LINGO1: variants seen among roughly 807,000 people sequenced by gnomAD.
LINGO1 encodes the protein leucine-rich repeat and immunoglobulin-like domain-containing nogo receptor-interacting protein 1.
In LINGO1, 11 loss-of-function variants were observed where a neutral mutation model predicts 37.3. The ratio of observed to expected loss-of-function variants is 0.29; its 90% CI spans 0.19 to 0.49. LINGO1 has a LOEUF of 0.49. Among genes scored for constraint, LINGO1 ranks in the 20% least tolerant of loss-of-function variants. LINGO1 has a pLI of 0.99. For missense variants in LINGO1, 585 were observed against 878.2 expected, an observed-to-expected ratio of 0.67 and a Z score of 4.22; for synonymous variants, 387 against 403.0, an observed-to-expected ratio of 0.96 and a Z score of 0.48.
At chr15:77,667,086 G>C (rs2075146030) in intron 3 of LINGO1, 1 of 152,444 alleles carries the variant, frequency 6.6e-6, no homozygotes. Context: ...GAAGTGGATG[G>C]GTAAGGAGGG....
chr15:77,791,297 G>A (rs138786117), upstream of LINGO1, among the ~76,000 whole-genome samples: 149 of 152,280 alleles, frequency 9.8e-4, 1 homozygote, highest in East Asian at 7.7e-3. Flanking sequence ...CTGAGTTGGG[G>A]TGACCAGACA....
intron 1 of LINGO1, among the ~76,000 whole-genome samples, chr15:77,743,657 A>T (rs1177549045): frequency 6.6e-6 from 1 of 152,208 alleles, no homozygotes. Context: ...AGGCAAAAGC[A>T]TCGTGTTCAG....
At chr15:77,751,407 C>T (rs1487696835) in intron 1 of LINGO1, among the ~76,000 whole-genome samples, 3 of 152,244 alleles carry the variant, frequency 2.0e-5, no homozygotes, top group Non-Finnish European at 2.9e-5. Context: ...GTGGGGTTCA[C>T]GAGTCACAGG....
intron 1 of LINGO1, among the ~76,000 whole-genome samples, chr15:77,812,773 C>T (rs912250266): frequency 6.6e-6 from 1 of 152,238 alleles, no homozygotes. Context: ...TGCAATTCAT[C>T]GGGGAGAGTT....
At chr15:77,687,758 G>A (rs1251345466) in intron 2 of LINGO1, among the ~76,000 whole-genome samples, 1 of 152,228 alleles carries the variant, frequency 6.6e-6, no homozygotes, top group Admixed American at 6.5e-5. Context: ...GTAAACCCAG[G>A]TCTGGCTGAA....
At chr15:77,636,825 C>T (rs1001907262), upstream of LINGO1, among the ~76,000 whole-genome samples, 1 of 151,962 alleles carries the variant, frequency 6.6e-6, no homozygotes, top group South Asian at 2.1e-4. Flanking sequence ...TTGCTGAGGC[C>T]GCTGTGTAAT....
intron 1 of LINGO1, among the ~76,000 whole-genome samples, chr15:77,804,342 G>A (rs1325623166): frequency 1.3e-5 from 2 of 152,212 alleles, no homozygotes; most frequent in Admixed American, 6.5e-5. Flanking sequence ...GTGCTGAGGG[G>A]AGGGACTAGT....
chr15:77,695,728 C>T (rs994175431), intron 1 of LINGO1, among the ~76,000 whole-genome samples: 2 of 152,182 alleles, frequency 1.3e-5, no homozygotes, highest in East Asian at 3.9e-4. Flanking sequence ...TCCAGCCACC[C>T]AGGCTGCCCA....
chr15:77,666,343 C>T (rs1354856796), intron 3 of LINGO1, among the ~76,000 whole-genome samples: 1 of 152,198 alleles, frequency 6.6e-6, no homozygotes, highest in Non-Finnish European at 1.5e-5. Flanking sequence ...GTGCAGCGCT[C>T]CTGGGGGCAG....
At chr15:77,724,114 C>T (rs952820843) in intron 2 of LINGO1, among the ~76,000 whole-genome samples, 10 of 152,162 alleles carry the variant, frequency 6.6e-5, no homozygotes, top group African/African-American at 2.2e-4. Flanking sequence ...GGAGCAGGAG[C>T]GGGGAGTGGG....
chr15:77,699,339 C>T (rs1216506840), upstream of LINGO1, among the ~76,000 whole-genome samples: 1 of 572 alleles, frequency 1.7e-3, no homozygotes, highest in Non-Finnish European at 4.3e-3. Flanking sequence ...AACCATCATC[C>T]CCCGCACACA....
At chr15:77,665,991 T>C (rs2075121147) in intron 3 of LINGO1, among the ~76,000 whole-genome samples, 1 of 152,216 alleles carries the variant, frequency 6.6e-6, no homozygotes, top group Admixed American at 6.5e-5. Flanking sequence ...CTGGCTATGC[T>C]TCCCCACCAC....
upstream of LINGO1, among the ~76,000 whole-genome samples, chr15:77,699,679 T>TGCACACAGTAAGCACATACTAACCAC (rs2075750563): frequency 5.2e-4 from 1 of 1,920 alleles, no homozygotes; most frequent in African/African-American, 1.5e-3. Flanking sequence ...CTAACCATCA[T>TGCACACAGTAAGCACATACTAACCAC]CTGCACACAG....
At chr15:77,760,760 C>T (rs1400067885) in intron 1 of LINGO1, among the ~76,000 whole-genome samples, 1 of 151,972 alleles carries the variant, frequency 6.6e-6, no homozygotes, top group African/African-American at 2.4e-5. Context: ...GGAACTGGGA[C>T]ACAGGAGGAG....
At chr15:77,702,322 AGGCT>A (rs1397972515) in intron 2 of LINGO1, among the ~76,000 whole-genome samples, 1 of 152,126 alleles carries the variant, frequency 6.6e-6, no homozygotes, top group Non-Finnish European at 1.5e-5. Flanking sequence ...GCGGGTGGAA[AGGCT>A]CCAGACAAGC....
intron 3 of LINGO1, chr15:77,652,409 T>C (rs1243799215): frequency 6.6e-6 from 1 of 151,914 alleles, no homozygotes; most frequent in African/African-American, 2.4e-5. Flanking sequence ...CACTATGAAA[T>C]TATGACTGAC....
intron 1 of LINGO1, among the ~76,000 whole-genome samples, chr15:77,818,420 G>A (rs1390819544): frequency 6.6e-6 from 1 of 152,236 alleles, no homozygotes; most frequent in African/African-American, 2.4e-5. Flanking sequence ...CAATGGGAGA[G>A]GGTACAAAGC....
chr15:77,652,695 G>C (rs1409489581), intron 3 of LINGO1, among the ~76,000 whole-genome samples: 4 of 151,704 alleles, frequency 2.6e-5, no homozygotes, highest in African/African-American at 9.7e-5. Flanking sequence ...TCAGGGTCCA[G>C]CTTCCATTCC....
intron 2 of LINGO1, among the ~76,000 whole-genome samples, chr15:77,724,936 A>C (rs1339027870): frequency 6.6e-6 from 1 of 152,164 alleles, no homozygotes; most frequent in Non-Finnish European, 1.5e-5. Flanking sequence ...CGGTGTGTGG[A>C]CCCGGCCACC....
Sources: gnomAD v4.1 joint callset for allele counts (sites outside exome capture counted in the v4.1 genomes callset) on GRCh38, gnomAD v4.1.1 for gene constraint, MANE v1.5 for transcripts, NCBI Gene and HGNC (gene_info 2026-07-23, HGNC 2026-07-21) for gene names.